TMEM248: variants seen among roughly 807,000 people sequenced by gnomAD.
TMEM248 encodes the protein UPF0458 protein C7orf42.
A neutral mutation model predicts 30.3 loss-of-function variants in TMEM248; 9 were observed. The observed-to-expected ratio is 0.30, with a 90% CI of 0.18 to 0.52. The LOEUF is 0.52. Among genes scored for constraint, TMEM248 ranks in the 20% least tolerant of loss-of-function variants. The pLI is 0.97. For missense variants in TMEM248, 338 were observed against 403.3 expected (o/e 0.84, Z 1.39); for synonymous variants, 184 against 154.4 (o/e 1.19, Z -1.42).
At chr7:66,929,929 G>A (rs1001400914) in intron 1 of TMEM248, among the ~76,000 whole-genome samples, 1 of 152,110 alleles carries the variant, frequency 6.6e-6, no homozygotes, top group South Asian at 2.1e-4. Context: ...GGAGGCTGAC[G>A]CGGGAGGATC....
At chr7:66,927,831 CAA>C (rs373034153) in intron 1 of TMEM248, among the ~76,000 whole-genome samples, 46 of 152,204 alleles carry the variant, frequency 3.0e-4, no homozygotes, top group African/African-American at 9.6e-4. Flanking sequence ...CATTAAGAAA[CAA>C]GACACTATTG....
chr7:66,928,809 A>T (rs1791589455), intron 1 of TMEM248, among the ~76,000 whole-genome samples: 1 of 151,170 alleles, frequency 6.6e-6, no homozygotes, highest in East Asian at 1.9e-4. Context: ...ATTTTTTGAG[A>T]TAGGGTTTAA....
chr7:66,944,868 G>T, intron 2 of TMEM248, 108 bp from the exon 3 acceptor site: 1 of 1,145,162 alleles, frequency 8.7e-7, no homozygotes, highest in Non-Finnish European at 1.3e-6. Flanking sequence ...GCTCTGAATT[G>T]TAGTTTGCTG....
chr7:66,939,833 G>T (rs925205679), intron 1 of TMEM248, among the ~76,000 whole-genome samples: 1 of 152,088 alleles, frequency 6.6e-6, no homozygotes, highest in African/African-American at 2.4e-5. Flanking sequence ...ATGACAAACA[G>T]TAAACAAGTA....
chr7:66,947,267 T>G (rs993847553), intron 3 of TMEM248, among the ~76,000 whole-genome samples: 15 of 151,796 alleles, frequency 9.9e-5, no homozygotes, highest in African/African-American at 3.6e-4. Flanking sequence ...TTCAAGGAAT[T>G]TAAGTGCCCA....
Position 66,955,522 on chromosome 7 carries a change from A to G in TMEM248, c.945A>G (p.Ter315=). Residue 315 remains the stop codon, a stop_retained_variant, in exon 7 of 7, where the codon TAA becomes TAG. Coordinates refer to ENST00000341567, the MANE Select transcript of TMEM248 (RefSeq NM_017994.5). ...TCCAGGTGGCTTTGGCTGAAGCCTA[A>G]TTCCACAGCTCCTTGTTTTTTGAGA... The part of the protein sequence containing the change: ...CPEKVALAEA[*] The G allele has an allele frequency of 1.2e-6, 2 of 1,614,016 alleles. No individual in the cohort carries two copies. Among genetic ancestry groups the G allele is most frequent in the Non-Finnish European group, 1.7e-6 (2 of 1,180,018 alleles).
At chr7:66,946,936 A>G (rs1792122962) in intron 3 of TMEM248, among the ~76,000 whole-genome samples, 1 of 152,008 alleles carries the variant, frequency 6.6e-6, no homozygotes, top group African/African-American at 2.4e-5. Flanking sequence ...TGCTTAGGCT[A>G]GATGCAGTGG....
At chr7:66,942,532 G>T (rs140268674) in intron 2 of TMEM248, among the ~76,000 whole-genome samples, 5 of 152,090 alleles carry the variant, frequency 3.3e-5, no homozygotes, top group African/African-American at 1.2e-4. Flanking sequence ...GTCTCGCTCC[G>T]TCACCTAGTC....
chr7:66,937,372 A>G (rs1427102756), intron 1 of TMEM248, among the ~76,000 whole-genome samples: 1 of 152,184 alleles, frequency 6.6e-6, no homozygotes, highest in Non-Finnish European at 1.5e-5. Flanking sequence ...GTGATCTGTT[A>G]GGTCCATTTG....
At chr7:66,921,659 G>T (rs1199946341) in intron 1 of TMEM248, among the ~76,000 whole-genome samples, 198 bp downstream of exon 1, 3 of 152,230 alleles carry the variant, frequency 2.0e-5, no homozygotes. Context: ...CCACACTGGG[G>T]TTTGCCCACT....
chr7:66,931,936 C>T (rs1399320962), intron 1 of TMEM248, among the ~76,000 whole-genome samples: 1 of 150,858 alleles, frequency 6.6e-6, no homozygotes, highest in Non-Finnish European at 1.5e-5. Flanking sequence ...TCTCAAGTAG[C>T]TGGGACTACA....
chr7:66,958,101 G>A lies in TMEM248; in HGVS notation c.*2579G>A, dbSNP rs1046965462. The A allele has an allele frequency of 2.6e-5, 4 of 152,692 alleles. No homozygotes were observed. The highest frequency in any genetic ancestry group is 7.2e-5 in the African/African-American group (3 of 41,454). The allele number at this position is 152,692 out of a possible 1,614,324, so 9.5% of individuals were successfully genotyped here. On this transcript the variant is annotated 3_prime_UTR_variant, in exon 7 of 7. Transcript: ENST00000341567. ...AGTTTGCTGGTGGACCTCAGGATTC[G>A]AAGTGTGCAACAGACGGAGTGCGCT...
In TMEM248 at chr7:66,925,789, A is replaced by G. The variant is rs533677291; in HGVS notation, c.-19+4328A>G. Among the ~76,000 whole-genome samples the G allele has an allele frequency of 1.5e-4, 23 of 149,912 alleles. No homozygotes were observed. The South Asian group carries it at 4.9e-3, about 32-fold the overall frequency. On this transcript the variant is annotated intron_variant, in intron 1 of 6. Transcript: ENST00000341567. ...CCCGAGTAGCTGAGATTACAGGTGCACGCCACCACGCCACGCTAATTTTTT... is the reference window on the plus strand; with the variant it reads ...CCCGAGTAGCTGAGATTACAGGTGCGCGCCACCACGCCACGCTAATTTTTT...
intron 6 of TMEM248, 45 bp downstream of exon 6, chr7:66,953,414 C>T: frequency 6.3e-7 from 1 of 1,597,792 alleles, no homozygotes; most frequent in Non-Finnish European, 8.5e-7. Context: ...CTAGAGGTCT[C>T]TGTATACAGA....
intron 2 of TMEM248, 131 bp from the exon 3 acceptor site, chr7:66,944,845 T>C: frequency 1.1e-6 from 1 of 942,754 alleles, no homozygotes; most frequent in Non-Finnish European, 1.6e-6. Context: ...GTTGTCATGA[T>C]CTTAAATGAT....
chr7:66,934,281 A>T (rs1247829403), intron 1 of TMEM248, among the ~76,000 whole-genome samples: 1 of 151,958 alleles, frequency 6.6e-6, no homozygotes, highest in African/African-American at 2.4e-5. Context: ...GCTCACTGCA[A>T]CCTCTGCCTC....
At chr7:66,931,792 CTTTTTTTTTTT>C (rs1156882038) in intron 1 of TMEM248, among the ~76,000 whole-genome samples, 71 of 88,454 alleles carry the variant, frequency 8.0e-4, no homozygotes, top group East Asian at 1.1e-3. Flanking sequence ...GGCCTTCCTC[CTTTTTTTTTTT>C]TTTTTTTTTT....
rs887840357 is a variant in TMEM248, at chr7:66,921,425, G to A, written c.-55G>A. On this transcript the variant is annotated 5_prime_UTR_variant, in exon 1 of 7. Transcript: ENST00000341567. Reference sequence around the variant, plus strand: ...GGGCGTCCGCCGAGCAGCTGGCCCGGCTGGGCCCGGGGCGCGCAGCTGCCC... The same window carrying A: ...GGGCGTCCGCCGAGCAGCTGGCCCGACTGGGCCCGGGGCGCGCAGCTGCCC... The A allele has an allele frequency of 7.3e-5, 11 of 150,108 alleles. No homozygotes were observed. The highest frequency in any genetic ancestry group is 2.7e-4 in the African/African-American group (11 of 41,312). 9.3% of individuals were successfully genotyped at this position (150,108 alleles called of 1,614,324 possible).
chr7:66,931,297 C>CAAA (rs758131446), intron 1 of TMEM248, among the ~76,000 whole-genome samples: 29 of 64,292 alleles, frequency 4.5e-4, no homozygotes, highest in Admixed American at 7.4e-4. Context: ...GACAATATCT[C>CAAA]AAAAAAAAAA....
Sources: gnomAD v4.1 joint callset for allele counts (sites outside exome capture counted in the v4.1 genomes callset) on GRCh38, gnomAD v4.1.1 for gene constraint, MANE v1.5 for transcripts, NCBI Gene and HGNC (gene_info 2026-07-23, HGNC 2026-07-21) for gene names.